The following ING5 variants were observed in gnomAD, a reference collection of about 807,000 sequenced individuals.
ING5 encodes inhibitor of growth protein 5.
Under a neutral mutation model 37.4 loss-of-function variants are expected in ING5, and 17 were observed. The ratio of observed to expected loss-of-function variants is 0.45; its 90% CI spans 0.31 to 0.68. ING5 has a LOEUF of 0.68. Among genes scored for constraint, ING5 ranks in the 30% least tolerant of loss-of-function variants. The pLI is 0.05. For missense variants in ING5, 233 were observed against 311.9 expected (o/e 0.75, Z 1.91); for synonymous variants, 123 against 116.6 (o/e 1.06, Z -0.36).
chr2:241,724,534 C>T (rs1233855270), intron 7 of ING5: 1 of 180,950 alleles, frequency 5.5e-6, no homozygotes, highest in African/African-American at 2.4e-5. Flanking sequence ...AGCTCCAGAA[C>T]TTGCTCAGAG....
chr2:241,696,413 A>G (rs1245337171), intron 2 of ING5, among the ~76,000 whole-genome samples: 1 of 151,180 alleles, frequency 6.6e-6, no homozygotes, highest in Non-Finnish European at 1.5e-5. Flanking sequence ...AAAAACAAAA[A>G]CCCCCCAAAA....
At chr2:241,702,334 G>A (rs2069764148) in intron 1 of ING5, among the ~76,000 whole-genome samples, 1 of 149,408 alleles carries the variant, frequency 6.7e-6, no homozygotes, top group African/African-American at 2.4e-5. Flanking sequence ...TTCCAGGTGC[G>A]TCACGGCGGG....
chr2:241,709,299 C>T lies in ING5; in HGVS notation c.193C>T (p.Leu65=). Residue 65 remains leucine (L), a synonymous_variant, in exon 3 of 8, where the codon CTG becomes TTG. Coordinates refer to ENST00000313552, the MANE Select transcript of ING5 (RefSeq NM_032329.6). ...TLSPDQRVER[L]QKIQNAYSKC... ...GTCTCCAGACCAGCGCGTGGAGCGC[C>T]TGCAGAAGATCCAGAACGCCTACAG... The T allele has an allele frequency of 6.2e-7, 1 of 1,614,136 alleles. No homozygotes were observed.
At chr2:241,714,752 C>T (rs1261958895) in intron 5 of ING5, among the ~76,000 whole-genome samples, 6 of 151,872 alleles carry the variant, frequency 4.0e-5, no homozygotes, top group East Asian at 1.9e-4. Flanking sequence ...CACAGACATG[C>T]GCCACTATGC....
intron 2 of ING5, among the ~76,000 whole-genome samples, chr2:241,694,572 C>T (rs2124853808): frequency 2.6e-5 from 4 of 152,050 alleles, no homozygotes; most frequent in Admixed American, 2.6e-4. Context: ...TTAAGGTTGG[C>T]TTTTTCCCCC....
upstream of ING5, among the ~76,000 whole-genome samples, chr2:241,700,649 G>T (rs1026739542): frequency 2.0e-5 from 3 of 151,662 alleles, no homozygotes; most frequent in African/African-American, 7.3e-5. Flanking sequence ...ATTTTGAGAC[G>T]GAGTCTTGCT....
Position 241,724,141 on chromosome 2 carries a change from C to T in ING5, c.681-848C>T, listed in dbSNP as rs565734862. ...TGGCACTCAGAGGTCATCGTGGCAG[C>T]GTGTTTGAAACTCCGGCAGACTCGC... On this transcript the variant is annotated intron_variant, in intron 7 of 7. Transcript: ENST00000313552. 134 of 1,061,704 alleles carry T rather than the reference C, an allele frequency of 1.3e-4. 4 individuals carry two copies. In the South Asian group the frequency reaches 3.3e-3, roughly 26 times the overall value. 65.8% of individuals were successfully genotyped at this position (1,061,704 alleles called of 1,614,324 possible).
chr2:241,711,911 A>G, intron 4 of ING5, 67 bp from the exon 5 acceptor site: 4 of 1,415,692 alleles, frequency 2.8e-6, no homozygotes, highest in Non-Finnish European at 3.8e-6. Flanking sequence ...TTTTAAAAAC[A>G]AAACACAAAA....
chr2:241,720,635 G>C lies in ING5; in HGVS notation c.483-2304G>C, dbSNP rs998571360. The C allele has an allele frequency of 1.0e-5, 10 of 985,768 alleles. No individual in the cohort carries two copies. The East Asian group carries it at 1.1e-3, about 112-fold the overall frequency. 61.1% of individuals were successfully genotyped at this position (985,768 alleles called of 1,614,324 possible). A position where few individuals can be genotyped will look rare whatever the true frequency, so the allele number is the denominator to read the frequency against. ...AGCCCCCTGCTAGGAGCCACGTGGA[G>C]TGCTGGGAAGCCATCGGGGCCGGGC... On this transcript the variant is annotated intron_variant, in intron 5 of 7. Transcript: ENST00000313552.
chr2:241,692,018 A>G (rs897360694), intron 2 of ING5, among the ~76,000 whole-genome samples: 2 of 152,218 alleles, frequency 1.3e-5, no homozygotes, highest in Admixed American at 6.5e-5. Flanking sequence ...ACTGCACTCC[A>G]GCCCAGGTGA....
At chr2:241,689,161 G>A (rs957625306) in intron 1 of ING5, among the ~76,000 whole-genome samples, 1 of 151,716 alleles carries the variant, frequency 6.6e-6, no homozygotes, top group African/African-American at 2.4e-5. Context: ...GGCCCAGAGT[G>A]GAGTGCAATG....
At position 241,725,183 on chromosome 2, in the gene ING5, C is replaced by A; in HGVS notation, c.*152C>A. On this transcript the variant is annotated 3_prime_UTR_variant, in exon 8 of 8. Transcript: ENST00000313552. ...GCTGGATGTTTCCTAGAACAAGAACCACCAAAGCCTGTTCGCACAGAAGGG... is the reference window on the plus strand; with the variant it reads ...GCTGGATGTTTCCTAGAACAAGAACAACCAAAGCCTGTTCGCACAGAAGGG... 1.2e-6 allele frequency: 1 copy of A among 826,994 alleles called. No individual in the cohort carries two copies. Among genetic ancestry groups the A allele is most frequent in the Non-Finnish European group, 2.0e-6 (1 of 503,384 alleles). The allele number at this position is 826,994 out of a possible 1,614,324, so 51.2% of individuals were successfully genotyped here.
intron 5 of ING5, among the ~76,000 whole-genome samples, chr2:241,712,592 C>T (rs185262722): frequency 6.6e-6 from 1 of 152,306 alleles, no homozygotes; most frequent in East Asian, 1.9e-4. Flanking sequence ...CATTCTCCCA[C>T]TGACACCCTC....
exon 1 of ING5, chr2:241,687,116 C>T (rs1404650351): frequency 2.6e-6 from 1 of 389,122 alleles, no homozygotes; most frequent in African/African-American, 2.1e-5. Flanking sequence ...GACGCGGGGT[C>T]AGGGCGCGGA....
chr2:241,698,860 C>T (rs923334837), upstream of ING5, among the ~76,000 whole-genome samples: 1 of 151,978 alleles, frequency 6.6e-6, no homozygotes, highest in Admixed American at 6.6e-5. Flanking sequence ...TCCCAAGTAG[C>T]TGGGATTACA....
exon 2 of ING5, chr2:241,690,560 C>T: frequency 5.0e-6 from 2 of 398,552 alleles, no homozygotes; most frequent in Non-Finnish European, 8.8e-6. Context: ...GTCCTTCGTA[C>T]TGCCACTGAC....
At chr2:241,722,315 GT>G (rs1343576068) in intron 5 of ING5, 1 of 985,282 alleles carries the variant, frequency 1.0e-6, no homozygotes, top group African/African-American at 1.7e-5. Context: ...CCAGAAGTGG[GT>G]TGAGTCCAGA....
intron 7 of ING5, chr2:241,723,758 G>C: frequency 1.3e-6 from 2 of 1,598,220 alleles, no homozygotes; most frequent in Non-Finnish European, 1.7e-6. Flanking sequence ...CATCCCCTTG[G>C]CAATGGCAAC....
At chr2:241,699,298 T>C (rs1349698582), upstream of ING5, among the ~76,000 whole-genome samples, 1 of 152,240 alleles carries the variant, frequency 6.6e-6, no homozygotes, top group Non-Finnish European at 1.5e-5. Flanking sequence ...GTGCTGGGAT[T>C]ACAGGCGTGA....
Sources: gnomAD v4.1 joint callset for allele counts (sites outside exome capture counted in the v4.1 genomes callset) on GRCh38, gnomAD v4.1.1 for gene constraint, MANE v1.5 for transcripts, NCBI Gene and HGNC (gene_info 2026-07-23, HGNC 2026-07-21) for gene names.